Variants in MAP2 observed in about 807,000 individuals in gnomAD.
MAP2 encodes microtubule associated protein 2.
In MAP2, 14 loss-of-function variants were observed where a neutral mutation model predicts 137.6. The ratio of observed to expected loss-of-function variants is 0.10; its 90% confidence interval spans 0.07 to 0.16. The LOEUF is 0.16. Among genes scored for constraint, MAP2 ranks in the 10% least tolerant of loss-of-function variants. MAP2 has a pLI of 1.00. For synonymous variants in MAP2, 786 were observed against 782.3 expected, an observed-to-expected ratio of 1.00 and a Z score of -0.08; for missense variants, 2,088 against 2,191.5, an observed-to-expected ratio of 0.95 and a Z score of 0.94.
chr2:209,707,782 C>A (rs2063930532), intron 12 of MAP2, among the ~76,000 whole-genome samples: 1 of 152,086 alleles, frequency 6.6e-6, no homozygotes, highest in East Asian at 1.9e-4. Flanking sequence ...AGTTTATCTT[C>A]TTTCTCCAGA....
chr2:209,547,334 T>TA (rs1559305245), intron 2 of MAP2, among the ~76,000 whole-genome samples: 2 of 151,764 alleles, frequency 1.3e-5, no homozygotes, highest in African/African-American at 4.9e-5. Context: ...CTTTTTTTTT[T>TA]AAATATGTTT....
intron 5 of MAP2, among the ~76,000 whole-genome samples, chr2:209,677,430 A>C (rs778772609): frequency 3.6e-4 from 54 of 151,818 alleles, no homozygotes; most frequent in Non-Finnish European, 5.7e-4. Context: ...AGACAGACAG[A>C]CAGACAGACA....
rs1451915751 is a variant in MAP2 at position 209,696,803 on chromosome 2, T to C, written c.4387+55T>C. ...GTTTTTGAAGTAATTCATTATTACT[T>C]TTTTGCAGAACTGCCTAACAGTGGT... On this transcript the variant is annotated intron_variant, in intron 9 of 15. Coordinates refer to ENST00000682079, the MANE Select transcript of MAP2 (RefSeq NM_001375505.1). 2.6e-6 allele frequency: 4 copies of C among 1,565,722 alleles called. No individual in the cohort carries two copies. In the African/African-American group the frequency reaches 5.7e-5, roughly 22 times the overall value.
At chr2:209,615,001 C>T (rs1433375727) in intron 3 of MAP2, among the ~76,000 whole-genome samples, 1 of 152,138 alleles carries the variant, frequency 6.6e-6, no homozygotes. Flanking sequence ...ATGACTGTAG[C>T]ACAGCCTGTA....
At chr2:209,512,753 T>C (rs1424539522) in intron 2 of MAP2, among the ~76,000 whole-genome samples, 1 of 152,094 alleles carries the variant, frequency 6.6e-6, no homozygotes, top group African/African-American at 2.4e-5. Flanking sequence ...GTGATTCTCC[T>C]GCCTCAGCCT....
intron 4 of MAP2, among the ~76,000 whole-genome samples, chr2:209,637,581 G>A (rs187554207): frequency 3.3e-5 from 5 of 151,990 alleles, no homozygotes; most frequent in East Asian, 1.9e-4. Flanking sequence ...AAATGGGAGC[G>A]ATCAGTCCAC....
intron 1 of MAP2, among the ~76,000 whole-genome samples, chr2:209,447,394 CTGTT>C (rs1371446005): frequency 6.6e-6 from 1 of 151,934 alleles, no homozygotes; most frequent in Non-Finnish European, 1.5e-5. Flanking sequence ...TCATATTGGT[CTGTT>C]TGGGCTCAGA....
chr2:209,695,842 G>A lies in MAP2; in HGVS notation c.3672G>A (p.Thr1224=), dbSNP rs750027677. The A allele has an allele frequency of 2.1e-5, 34 of 1,613,948 alleles. No homozygotes were observed. In the African/African-American group the frequency reaches 3.3e-4, roughly 16 times the overall value. ...ATGTTGCAGAGCCATTGCATGAAAC[G>A]ATCGTATCTGAACCAGCAGAGATTC... ...PSDVAEPLHE[T]IVSEPAEIQS... The change falls in exon 8 of 16, where the codon ACG becomes ACA. Residue 1224 remains threonine, a synonymous_variant. Transcript: ENST00000682079.
chr2:209,621,796 G>T (rs2091274182), intron 3 of MAP2, among the ~76,000 whole-genome samples: 1 of 152,114 alleles, frequency 6.6e-6, no homozygotes, highest in Non-Finnish European at 1.5e-5. Flanking sequence ...TATCATTATA[G>T]CCTCAATGCT....
At chr2:209,528,480 C>A (rs1219086846) in intron 2 of MAP2, among the ~76,000 whole-genome samples, 1 of 151,806 alleles carries the variant, frequency 6.6e-6, no homozygotes, top group Non-Finnish European at 1.5e-5. Context: ...GTTATATTTG[C>A]TTTTTTATTA....
intron 2 of MAP2, among the ~76,000 whole-genome samples, chr2:209,529,804 C>T (rs1285681551): frequency 6.6e-6 from 1 of 152,060 alleles, no homozygotes; most frequent in East Asian, 1.9e-4. Context: ...AATTGTACTC[C>T]CATCTGTCCT....
At chr2:209,692,337 C>CAAAA (rs11449791) in intron 7 of MAP2, among the ~76,000 whole-genome samples, 1 of 133,774 alleles carries the variant, frequency 7.5e-6, no homozygotes, top group Non-Finnish European at 1.6e-5. Flanking sequence ...TAGGAGAGAC[C>CAAAA]AAAAAAAAAA....
intron 1 of MAP2, among the ~76,000 whole-genome samples, chr2:209,483,311 A>G (rs2057959294): frequency 6.6e-6 from 1 of 152,194 alleles, no homozygotes; most frequent in Admixed American, 6.5e-5. Flanking sequence ...CCTTGTTTTA[A>G]TGTTTATTTT....
intron 3 of MAP2, among the ~76,000 whole-genome samples, chr2:209,600,496 CG>C (rs1206756424): frequency 1.3e-5 from 2 of 152,140 alleles, no homozygotes; most frequent in Non-Finnish European, 2.9e-5. Context: ...AGCCTGTTTC[CG>C]GGGCTGTCTA....
chr2:209,569,456 A>G (rs2074039165), intron 2 of MAP2, among the ~76,000 whole-genome samples: 2 of 151,844 alleles, frequency 1.3e-5, no homozygotes, highest in Non-Finnish European at 3.0e-5. Context: ...GAAGCTTACA[A>G]GTGAATGGGG....
Position 209,732,197 on chromosome 2 carries a change from G to A in MAP2, c.*1800G>A, listed in dbSNP as rs1046192359. ...TCCTGAATATAAAGGAGGAAATGAT[G>A]AGGATGTACTGAGGCAACGGGGAAG... is the stretch of plus-strand genomic sequence containing the variant. On this transcript the variant is annotated 3_prime_UTR_variant, in exon 16 of 16. Coordinates refer to ENST00000682079, the MANE Select transcript of MAP2 (RefSeq NM_001375505.1). 2 of 152,322 alleles carry A rather than the reference G, an allele frequency of 1.3e-5. No homozygotes were observed. Among genetic ancestry groups the A allele is most frequent in the East Asian group, 3.9e-4 (2 of 5,188 alleles). The allele number at this position is 152,322 out of a possible 1,614,324, so 9.4% of individuals were successfully genotyped here.
chr2:209,618,149 A>G (rs1580830077), intron 3 of MAP2, among the ~76,000 whole-genome samples: 1 of 152,098 alleles, frequency 6.6e-6, no homozygotes, highest in African/African-American at 2.4e-5. Flanking sequence ...GAGTTCATGG[A>G]GAACACTTCA....
chr2:209,443,291 G>C (rs1698267166), intron 1 of MAP2, among the ~76,000 whole-genome samples: 1 of 150,400 alleles, frequency 6.6e-6, no homozygotes, highest in South Asian at 2.1e-4. Flanking sequence ...CTATCCCACT[G>C]TCTATTTATA....
At chr2:209,539,152 T>A (rs2066470210) in intron 2 of MAP2, among the ~76,000 whole-genome samples, 1 of 152,236 alleles carries the variant, frequency 6.6e-6, no homozygotes, top group Non-Finnish European at 1.5e-5. Context: ...GATCCTGCAA[T>A]TGTCCAGAAT....
Sources: gnomAD v4.1 joint callset for allele counts (sites outside exome capture counted in the v4.1 genomes callset) on GRCh38, gnomAD v4.1.1 for gene constraint, MANE v1.5 for transcripts, NCBI Gene and HGNC (gene_info 2026-07-23, HGNC 2026-07-21) for gene names.